Variants in LYPD6 observed in about 807,000 individuals in gnomAD.
LYPD6 encodes ly6/PLAUR domain-containing protein 6.
Under a neutral mutation model 22.7 loss-of-function variants are expected in LYPD6, and 15 were observed. The ratio of observed to expected loss-of-function variants is 0.66; its 90% CI spans 0.44 to 1.02. LYPD6 has a LOEUF of 1.02. LYPD6 is among the 50% of genes least tolerant of loss of function. The pLI is 0.00. For missense variants in LYPD6, 189 were observed against 208.4 expected (o/e 0.91, Z 0.57); for synonymous variants, 72 against 77.5 (o/e 0.93, Z 0.37).
At chr2:149,475,882 C>T (rs1212547253), downstream of LYPD6, among the ~76,000 whole-genome samples, 1 of 152,138 alleles carries the variant, frequency 6.6e-6, no homozygotes, top group Admixed American at 6.5e-5. Context: ...GTTTATACTA[C>T]AAGGATTTTG....
intron 1 of LYPD6, among the ~76,000 whole-genome samples, chr2:149,392,515 A>C (rs1442884368): frequency 6.6e-6 from 1 of 152,210 alleles, no homozygotes; most frequent in Admixed American, 6.5e-5. Flanking sequence ...TTGGAAACTC[A>C]CAGGGTAACC....
At chr2:149,446,458 A>G (rs758090171) in intron 2 of LYPD6, among the ~76,000 whole-genome samples, 3 of 152,176 alleles carry the variant, frequency 2.0e-5, no homozygotes, top group Non-Finnish European at 2.9e-5. Context: ...CCAAAATAGA[A>G]CCTTTCAATT....
rs1332328736 is a variant in LYPD6 at position 149,455,601 on chromosome 2, C to CT, written c.217+6461dup. On this transcript the variant is annotated intron_variant, in intron 3 of 4. Transcript: ENST00000334166. ...TTAAGTCCTATCAGCCCATACAAGA[C>CT]TTTTTTTCGTACACTGAGAGCATCT... is the stretch of plus-strand genomic sequence containing the variant. Among the ~76,000 whole-genome samples the CT allele has an allele frequency of 2.6e-5, 4 of 152,232 alleles. No homozygotes were observed. In the South Asian group the frequency reaches 6.2e-4, roughly 24 times the overall value.
intron 1 of LYPD6, among the ~76,000 whole-genome samples, chr2:149,420,063 G>C (rs536447793): frequency 3.4e-4 from 52 of 152,288 alleles, no homozygotes; most frequent in African/African-American, 1.2e-3. Flanking sequence ...TTTCCGCTAT[G>C]AATAACATCA....
intron 2 of LYPD6, among the ~76,000 whole-genome samples, chr2:149,443,024 G>A (rs1229951277): frequency 1.3e-5 from 2 of 152,156 alleles, no homozygotes; most frequent in South Asian, 2.1e-4. Flanking sequence ...AAGAATTTAA[G>A]CAAAGCTTCA....
At chr2:149,436,466 C>T (rs979217198) in intron 1 of LYPD6, among the ~76,000 whole-genome samples, 2 of 152,162 alleles carry the variant, frequency 1.3e-5, no homozygotes, top group African/African-American at 4.8e-5. Flanking sequence ...CAGAGCAATT[C>T]AGGCTTATTA....
chr2:149,351,847 T>A (rs922459815), intron 1 of LYPD6, among the ~76,000 whole-genome samples: 8 of 151,396 alleles, frequency 5.3e-5, no homozygotes, highest in Non-Finnish European at 1.2e-4. Context: ...CTGGTTAAAA[T>A]CACACTCCGG....
chr2:149,452,818 G>C (rs1298506829), intron 3 of LYPD6, among the ~76,000 whole-genome samples: 1 of 152,186 alleles, frequency 6.6e-6, no homozygotes, highest in Non-Finnish European at 1.5e-5. Context: ...GTTTGGCCAA[G>C]TAAGTGTCAG....
intron 1 of LYPD6, among the ~76,000 whole-genome samples, chr2:149,380,032 A>G (rs1337386794): frequency 2.6e-5 from 4 of 152,236 alleles, no homozygotes; most frequent in African/African-American, 9.6e-5. Flanking sequence ...GGTGACCTTG[A>G]ATAAAAACTA....
chr2:149,386,139 CT>C (rs949758417), intron 1 of LYPD6, among the ~76,000 whole-genome samples: 5 of 152,154 alleles, frequency 3.3e-5, no homozygotes, highest in Non-Finnish European at 7.3e-5. Flanking sequence ...GAAGTTACCC[CT>C]TCTTGAAGAA....
intron 1 of LYPD6, among the ~76,000 whole-genome samples, chr2:149,408,395 T>A (rs1465628676): frequency 2.0e-5 from 3 of 152,230 alleles, no homozygotes; most frequent in Admixed American, 1.3e-4. Flanking sequence ...TAGGCAATGA[T>A]CTTTTTGCAT....
chr2:149,442,986 C>T (rs1297024702), intron 2 of LYPD6, among the ~76,000 whole-genome samples: 3 of 152,156 alleles, frequency 2.0e-5, no homozygotes, highest in African/African-American at 4.8e-5. Flanking sequence ...TGGTTGTCAA[C>T]GATACGTGCT....
At chr2:149,412,523 C>T (rs1682874576) in intron 1 of LYPD6, among the ~76,000 whole-genome samples, 1 of 151,884 alleles carries the variant, frequency 6.6e-6, no homozygotes, top group South Asian at 2.1e-4. Context: ...CTAGAGTTCT[C>T]GAGTCTGTTT....
intron 2 of LYPD6, among the ~76,000 whole-genome samples, 162 bp downstream of exon 2, chr2:149,437,988 C>T (rs1452312157): frequency 6.6e-6 from 1 of 152,198 alleles, no homozygotes; most frequent in Non-Finnish European, 1.5e-5. Context: ...TTTACCCTCA[C>T]CTTTTCACAA....
intron 1 of LYPD6, among the ~76,000 whole-genome samples, chr2:149,403,450 G>T (rs1312242813): frequency 2.0e-5 from 3 of 149,612 alleles, no homozygotes; most frequent in Non-Finnish European, 4.5e-5. Flanking sequence ...GTATCTCATT[G>T]TGGTTTTGAT....
intron 2 of LYPD6, 31 bp downstream of exon 2, chr2:149,437,857 C>A: frequency 6.2e-7 from 1 of 1,608,062 alleles, no homozygotes; most frequent in South Asian, 1.1e-5. Context: ...GCAGAAATAT[C>A]ACTTTATTTC....
At chr2:149,468,921 C>A in intron 4 of LYPD6, 146 bp downstream of exon 4, 1 of 783,392 alleles carries the variant, frequency 1.3e-6, no homozygotes, top group Non-Finnish European at 2.0e-6. Flanking sequence ...CGCTTCCTTT[C>A]CTGTTTACTC....
At chr2:149,457,642 T>C (rs1225242154) in intron 3 of LYPD6, among the ~76,000 whole-genome samples, 1 of 152,192 alleles carries the variant, frequency 6.6e-6, no homozygotes, top group African/African-American at 2.4e-5. Flanking sequence ...TTAAATGTCC[T>C]ACAATTCACA....
chr2:149,389,763 C>A (rs1250965831), intron 1 of LYPD6, among the ~76,000 whole-genome samples: 2 of 152,140 alleles, frequency 1.3e-5, no homozygotes, highest in African/African-American at 4.8e-5. Context: ...GGACTGGCTT[C>A]GTGTTTCTAA....
Sources: allele counts gnomAD v4.1 joint callset (sites outside exome capture counted in the v4.1 genomes callset), GRCh38; gene constraint gnomAD v4.1.1; transcripts MANE v1.5; gene names NCBI Gene and HGNC (gene_info 2026-07-23, HGNC 2026-07-21).